LNP1: variants seen among roughly 807,000 people sequenced by gnomAD.
The protein encoded by LNP1 is leukemia NUP98 fusion partner 1.
A neutral mutation model predicts 14.5 loss-of-function variants in LNP1; 12 were observed. The observed-to-expected ratio is 0.83, with a 90% CI of 0.53 to 1.34. The LOEUF is 1.34. Ranked by LOEUF, LNP1 falls within the 40% of genes most tolerant of loss-of-function variation. The pLI is 0.00. For missense variants in LNP1, 198 were observed against 210.9 expected (o/e 0.94, Z 0.38); for synonymous variants, 75 against 71.4 (o/e 1.05, Z -0.26).
At chr3:100,440,423 A>G (rs1413695364) in intron 2 of LNP1, among the ~76,000 whole-genome samples, 3 of 152,158 alleles carry the variant, frequency 2.0e-5, no homozygotes, top group Non-Finnish European at 1.5e-5. Flanking sequence ...TTCTTAACAC[A>G]TATTTCTCAA....
intron 2 of LNP1, among the ~76,000 whole-genome samples, chr3:100,446,497 C>G (rs1707387677): frequency 6.6e-6 from 1 of 152,158 alleles, no homozygotes; most frequent in Admixed American, 6.5e-5. Flanking sequence ...CATAAAAACC[C>G]TAGAAGAAAA....
At chr3:100,426,667 G>A (rs559222928) in intron 1 of LNP1, among the ~76,000 whole-genome samples, 6 of 152,258 alleles carry the variant, frequency 3.9e-5, no homozygotes, top group African/African-American at 1.4e-4. Flanking sequence ...GTGGAGATGA[G>A]CTATGCTTCT....
intron 2 of LNP1, among the ~76,000 whole-genome samples, chr3:100,431,138 C>G (rs1707238603): frequency 6.6e-6 from 1 of 152,076 alleles, no homozygotes; most frequent in Non-Finnish European, 1.5e-5. Flanking sequence ...CAGGGATAAA[C>G]AAAAACAAAA....
chr3:100,434,126 A>G (rs936492656), intron 2 of LNP1, among the ~76,000 whole-genome samples: 11 of 152,176 alleles, frequency 7.2e-5, no homozygotes, highest in African/African-American at 2.4e-4. Flanking sequence ...TGTTTTCATC[A>G]TGAAGTATTT....
At chr3:100,448,241 G>A (rs894986080) in intron 2 of LNP1, among the ~76,000 whole-genome samples, 1 of 152,034 alleles carries the variant, frequency 6.6e-6, no homozygotes, top group Admixed American at 6.6e-5. Context: ...TTATTCCTGG[G>A]CATAGGCTGA....
chr3:100,422,940 G>C (rs1291306893), intron 1 of LNP1, among the ~76,000 whole-genome samples: 1 of 149,910 alleles, frequency 6.7e-6, no homozygotes, highest in Non-Finnish European at 1.5e-5. Flanking sequence ...TAGGACACTT[G>C]GTTAAAAAAG....
intron 1 of LNP1, among the ~76,000 whole-genome samples, chr3:100,403,903 G>A (rs1274030079): frequency 2.6e-5 from 4 of 152,210 alleles, no homozygotes; most frequent in Non-Finnish European, 4.4e-5. Flanking sequence ...ATTGCTACAT[G>A]AAAGGCCTTT....
intron 2 of LNP1, among the ~76,000 whole-genome samples, chr3:100,446,251 T>G (rs567829291): frequency 1.6e-4 from 24 of 152,014 alleles, no homozygotes; most frequent in African/African-American, 3.1e-4. Flanking sequence ...CCAAAACAGA[T>G]ATATAGACCA....
intron 2 of LNP1, among the ~76,000 whole-genome samples, chr3:100,449,613 A>C (rs1219145840): frequency 6.6e-6 from 1 of 152,212 alleles, no homozygotes; most frequent in Non-Finnish European, 1.5e-5. Context: ...TGCTCATAAA[A>C]GGACAAGGTC....
intron 2 of LNP1, among the ~76,000 whole-genome samples, chr3:100,449,236 A>T (rs192121026): frequency 7.4e-4 from 109 of 147,084 alleles, no homozygotes; most frequent in Middle Eastern, 3.5e-3. Flanking sequence ...TTGTTTTCAT[A>T]GTGCACTTAA....
chr3:100,425,449 G>C (rs1303404172), intron 1 of LNP1, among the ~76,000 whole-genome samples: 2 of 152,202 alleles, frequency 1.3e-5, no homozygotes, highest in Non-Finnish European at 2.9e-5. Context: ...CATAGGCTCA[G>C]CAGTCAGTTT....
chr3:100,443,482 C>T (rs1707362564), intron 2 of LNP1, among the ~76,000 whole-genome samples: 1 of 152,054 alleles, frequency 6.6e-6, no homozygotes, highest in South Asian at 2.1e-4. Flanking sequence ...GAACTTTGTT[C>T]CATAGAAGGA....
intron 1 of LNP1, among the ~76,000 whole-genome samples, chr3:100,419,494 T>TTG (rs913776307): frequency 3.3e-5 from 5 of 151,254 alleles, no homozygotes; most frequent in African/African-American, 7.3e-5. Context: ...ACACACTCAT[T>TTG]TGTGTGTGTG....
chr3:100,454,353 A>G (rs1707488618), intron 3 of LNP1, among the ~76,000 whole-genome samples: 1 of 152,184 alleles, frequency 6.6e-6, no homozygotes, highest in Non-Finnish European at 1.5e-5. Context: ...GAAATTCCGA[A>G]CATATACAGA....
Position 100,414,469 on chromosome 3 carries a change from C to T in LNP1, c.-34+12030C>T, listed in dbSNP as rs551662423. ...GACCGAGGCAGGAGAATCGCTTGAACCTGGGAGGCAGAGGTTGCAGTGAGC... is the reference window on the plus strand; with the variant it reads ...GACCGAGGCAGGAGAATCGCTTGAATCTGGGAGGCAGAGGTTGCAGTGAGC... On this transcript the variant is annotated intron_variant, in intron 1 of 3. Transcript: ENST00000383693. 1.4e-4 allele frequency among the ~76,000 whole-genome samples: 21 copies of T among 152,060 alleles called. No individual in the cohort carries two copies. In the East Asian group the frequency reaches 3.1e-3, roughly 22 times the overall value.
intron 1 of LNP1, among the ~76,000 whole-genome samples, chr3:100,411,889 A>T (rs1707035328): frequency 6.6e-6 from 1 of 152,140 alleles, no homozygotes; most frequent in African/African-American, 2.4e-5. Flanking sequence ...AACACGGGGG[A>T]CAAAAATATT....
At chr3:100,436,194 G>T (rs73860636) in intron 2 of LNP1, among the ~76,000 whole-genome samples, 1 of 152,132 alleles carries the variant, frequency 6.6e-6, no homozygotes, top group African/African-American at 2.4e-5. Context: ...GCCTGGCATG[G>T]CCTTAGGTCC....
chr3:100,424,624 A>G (rs1251877564), intron 1 of LNP1, among the ~76,000 whole-genome samples: 3 of 152,220 alleles, frequency 2.0e-5, no homozygotes, highest in Non-Finnish European at 4.4e-5. Flanking sequence ...TCAGTTGTTC[A>G]GCATAAACCA....
intron 2 of LNP1, among the ~76,000 whole-genome samples, chr3:100,435,538 G>T (rs565123666): frequency 6.6e-6 from 1 of 152,326 alleles, no homozygotes; most frequent in Admixed American, 6.5e-5. Context: ...TGCATGCAGT[G>T]TATACATTTA....
Sources: gnomAD v4.1 joint callset for allele counts (sites outside exome capture counted in the v4.1 genomes callset) on GRCh38, gnomAD v4.1.1 for gene constraint, MANE v1.5 for transcripts, NCBI Gene and HGNC (gene_info 2026-07-23, HGNC 2026-07-21) for gene names.